SMAD3: variants seen among roughly 807,000 people sequenced by gnomAD.
SMAD3 encodes SMAD family member 3.
A neutral mutation model predicts 51.8 loss-of-function variants in SMAD3; 12 were observed. The observed-to-expected ratio is 0.23, with a 90% CI of 0.15 to 0.38. The LOEUF (loss-of-function observed/expected upper bound fraction) is 0.38, where lower values mean the gene tolerates loss of function less well. SMAD3 is among the 10% of genes least tolerant of loss of function. The pLI, the probability that SMAD3 is intolerant of heterozygous loss-of-function variation, is 1.00. For synonymous variants in SMAD3, 238 were observed against 227.7 expected (o/e 1.05, Z -0.41); for missense variants, 294 against 565.6 (o/e 0.52, Z 4.87).
intron 5 of SMAD3, among the ~76,000 whole-genome samples, chr15:67,175,794 G>A (rs2074396845): frequency 6.6e-6 from 1 of 152,226 alleles, no homozygotes; most frequent in Non-Finnish European, 1.5e-5. Context: ...AGCCCTGAGT[G>A]TGGACGGCGG....
intron 1 of SMAD3, among the ~76,000 whole-genome samples, chr15:67,086,409 C>G (rs1425680795): frequency 1.3e-5 from 2 of 152,156 alleles, no homozygotes; most frequent in African/African-American, 4.8e-5. Flanking sequence ...GGACACATCT[C>G]TCTGCATTAA....
intron 1 of SMAD3, among the ~76,000 whole-genome samples, chr15:67,107,056 T>A (rs1016295742): frequency 6.6e-6 from 1 of 152,018 alleles, no homozygotes; most frequent in Middle Eastern, 3.4e-3. Flanking sequence ...TCCCTAGCCC[T>A]GACTTCCCAA....
chr15:67,118,248 T>C (rs1242713551), intron 1 of SMAD3, among the ~76,000 whole-genome samples: 1 of 152,144 alleles, frequency 6.6e-6, no homozygotes, highest in Non-Finnish European at 1.5e-5. Flanking sequence ...GGGAGCCCAG[T>C]GAGGGCCTGT....
intron 1 of SMAD3, among the ~76,000 whole-genome samples, chr15:67,129,700 T>C (rs1337552145): frequency 6.6e-6 from 1 of 152,120 alleles, no homozygotes; most frequent in Non-Finnish European, 1.5e-5. Flanking sequence ...AAAGAGAGGG[T>C]GAAATTAATT....
chr15:67,088,449 C>T (rs1490870310), intron 1 of SMAD3, among the ~76,000 whole-genome samples: 2 of 152,126 alleles, frequency 1.3e-5, no homozygotes, highest in South Asian at 2.1e-4. Context: ...GGGAGGCAGG[C>T]GAGAAAAGCT....
rs149468244 is a variant in SMAD3 at position 67,119,020 on chromosome 15, G to A, written c.207-45875G>A. Among the ~76,000 whole-genome samples the A allele has an allele frequency of 4.1e-3, 621 of 152,312 alleles. 2 individuals are homozygous for A. Among genetic ancestry groups the A allele is most frequent in the African/African-American group, 0.014 (573 of 41,568 alleles). ...GGATAGATGAGCGTGGAGTTTGGGG[G>A]AGAGGTCTGAGCTGAGATATACATT... is the stretch of plus-strand genomic sequence containing the variant. On this transcript the variant is annotated intron_variant, in intron 1 of 8. Transcript: ENST00000327367.
rs1962721305 is a variant in SMAD3, at chr15:67,170,581, T to C, written c.635T>C (p.Met212Thr). Reference protein sequence around the residue: ...AGSPNLSPNPMSPAHNNLDLQ... With the variant: ...AGSPNLSPNPTSPAHNNLDLQ... ...TCTCCAAACCTATCCCCGAATCCGA[T>C]GTCCCCAGCACATAATAACTTGGGT... Residue 212 changes from methionine to threonine, a missense_variant, in exon 5 of 9, where the codon ATG (methionine) becomes ACG (threonine). This residue lies in a region of SMAD3 where 29 missense variants were observed against 26.7 expected (regional missense o/e 1.09). Transcript: ENST00000327367. 2 of 1,614,074 alleles carry C rather than the reference T, an allele frequency of 1.2e-6. No individual in the cohort carries two copies. The highest frequency in any genetic ancestry group is 8.5e-7 in the Non-Finnish European group (1 of 1,179,932).
chr15:67,093,857 T>C (rs1377209966), intron 1 of SMAD3, among the ~76,000 whole-genome samples: 1 of 152,232 alleles, frequency 6.6e-6, no homozygotes, highest in African/African-American at 2.4e-5. Flanking sequence ...GAGGATGGAC[T>C]GTCCCCCACC....
At chr15:67,080,952 C>T (rs1960268240) in intron 1 of SMAD3, among the ~76,000 whole-genome samples, 1 of 152,212 alleles carries the variant, frequency 6.6e-6, no homozygotes, top group South Asian at 2.1e-4. Flanking sequence ...GTTCTCTCAA[C>T]TCTCCAACCA....
At chr15:67,184,078 A>G (rs1023317506) in intron 6 of SMAD3, among the ~76,000 whole-genome samples, 6 of 150,630 alleles carry the variant, frequency 4.0e-5, no homozygotes, top group Non-Finnish European at 8.8e-5. Flanking sequence ...TAATCCTGCA[A>G]GGGTAGAGGT....
intron 1 of SMAD3, among the ~76,000 whole-genome samples, chr15:67,150,798 C>CT (rs774186264): frequency 0.29 from 10,435 of 35,446 alleles, 2,345 homozygotes; most frequent in African/African-American, 0.44. Context: ...CCATGTCCTG[C>CT]TTTTTTTTTT....
At chr15:67,133,066 C>A (rs536608246) in intron 1 of SMAD3, among the ~76,000 whole-genome samples, 7 of 152,320 alleles carry the variant, frequency 4.6e-5, no homozygotes, top group African/African-American at 1.7e-4. Context: ...CTTGTCCAAA[C>A]TGTTTGTGGC....
intron 1 of SMAD3, among the ~76,000 whole-genome samples, chr15:67,130,578 T>A (rs900009031): frequency 5.3e-5 from 8 of 152,276 alleles, no homozygotes; most frequent in Admixed American, 2.0e-4. Context: ...AACAGTTTCG[T>A]CCTGAAACAT....
rs28669671 is a variant in SMAD3, at chr15:67,086,294, T to C, written c.206+19934T>C. On this transcript the variant is annotated intron_variant, in intron 1 of 8. Transcript: ENST00000327367. ...ACTCCCTGCTGCTTTGGTGAGAGAG[T>C]GTCCCTGTCTTTGGCTGAGAGCATC... Among the ~76,000 whole-genome samples the C allele has an allele frequency of 2.8e-3, 427 of 152,034 alleles. 1 individual carries two copies. Among genetic ancestry groups the C allele is most frequent in the African/African-American group, 9.7e-3 (402 of 41,450 alleles).
chr15:67,117,470 G>C (rs1233981453), intron 1 of SMAD3, among the ~76,000 whole-genome samples: 1 of 152,120 alleles, frequency 6.6e-6, no homozygotes, highest in East Asian at 1.9e-4. Context: ...GTCCCCCCAA[G>C]TTCCAGCCCA....
intron 1 of SMAD3, among the ~76,000 whole-genome samples, chr15:67,104,803 A>G (rs1530059): frequency 0.94 from 143,753 of 152,366 alleles, 68,393 homozygotes; most frequent in Non-Finnish European, 1. Flanking sequence ...AGATAAATGT[A>G]TAAACTGCAT....
rs1457675050 is a variant in SMAD3, at chr15:67,195,013, C to T, written c.*4477C>T. The T allele has an allele frequency of 4.3e-6, 1 of 233,502 alleles. No individual in the cohort carries two copies. Among genetic ancestry groups the T allele is most frequent in the Non-Finnish European group, 8.5e-6 (1 of 117,918 alleles). The allele number at this position is 233,502 out of a possible 1,614,324, so 14.5% of individuals were successfully genotyped here. The stretch of plus-strand genomic sequence containing the variant: ...GACCTTTTAATAACTTTGTAAAAAG[C>T]ATGTATGTATTTATAGTGTTTTAGA... On this transcript the variant is annotated 3_prime_UTR_variant, in exon 9 of 9. Coordinates refer to ENST00000327367, the MANE Select transcript of SMAD3 (RefSeq NM_005902.4).
intron 1 of SMAD3, among the ~76,000 whole-genome samples, chr15:67,135,124 G>A (rs180972756): frequency 6.6e-6 from 1 of 152,174 alleles, no homozygotes; most frequent in African/African-American, 2.4e-5. Context: ...AGAGAAGATG[G>A]CCGGGAAGAG....
chr15:67,142,200 C>A (rs1000723792), intron 1 of SMAD3, among the ~76,000 whole-genome samples: 11 of 101,648 alleles, frequency 1.1e-4, no homozygotes, highest in Non-Finnish European at 2.2e-4. Context: ...CCTCCCCACA[C>A]CCCCCCCACC....
Sources: allele counts gnomAD v4.1 joint callset (sites outside exome capture counted in the v4.1 genomes callset), GRCh38; gene constraint gnomAD v4.1.1; regional missense constraint gnomAD v4.1.1; transcripts MANE v1.5; gene names NCBI Gene and HGNC (gene_info 2026-07-23, HGNC 2026-07-21).